Variants in URB1 observed in about 807,000 individuals in gnomAD.
The protein encoded by URB1 is URB1 ribosome biogenesis factor.
A neutral mutation model predicts 242.3 loss-of-function variants in URB1; 197 were observed. That is an observed-to-expected ratio of 0.81 (90% CI 0.72 to 0.91). The LOEUF (loss-of-function observed/expected upper bound fraction) is 0.91, where lower values mean the gene tolerates loss of function less well. URB1 is among the 40% of genes least tolerant of loss of function. The pLI, the probability that URB1 is intolerant of heterozygous loss-of-function variation, is 0.00. For missense variants in URB1, 2,721 were observed against 2,860.5 expected, an observed-to-expected ratio of 0.95 and a Z score of 1.11; for synonymous variants, 1,153 against 1,201.8, an observed-to-expected ratio of 0.96 and a Z score of 0.84.
intron 15 of URB1, 33 bp from the exon 16 acceptor site, chr21:32,355,598 G>A: frequency 6.7e-7 from 1 of 1,503,584 alleles, no homozygotes; most frequent in Non-Finnish European, 9.1e-7. Context: ...GAAAAAGTCA[G>A]AACAGAACGC....
chr21:32,353,282 C>A (rs1238146677), intron 18 of URB1, among the ~76,000 whole-genome samples: 1 of 152,128 alleles, frequency 6.6e-6, no homozygotes, highest in Non-Finnish European at 1.5e-5. Context: ...ACTTCCAGGC[C>A]ATAACACCCC....
intron 10 of URB1, among the ~76,000 whole-genome samples, chr21:32,364,981 T>A (rs2033329579): frequency 6.6e-6 from 1 of 152,240 alleles, no homozygotes; most frequent in Non-Finnish European, 1.5e-5. Context: ...GAGGAGGCTG[T>A]GTCCTCTGAG....
At chr21:32,365,892 C>T (rs142148067) in intron 10 of URB1, among the ~76,000 whole-genome samples, 1 of 152,314 alleles carries the variant, frequency 6.6e-6, no homozygotes, top group Non-Finnish European at 1.5e-5. Context: ...AGGACGAAGA[C>T]ACCCTTCTGA....
intron 9 of URB1, among the ~76,000 whole-genome samples, chr21:32,368,039 C>T (rs2033365089): frequency 6.6e-6 from 1 of 152,070 alleles, no homozygotes; most frequent in African/African-American, 2.4e-5. Flanking sequence ...TCTGCCTGTC[C>T]CCTAACTCCC....
At chr21:32,361,159 A>AAAAGAAAGAAAGAGAAAG (rs1555839833) in intron 12 of URB1, 36 bp from the exon 13 acceptor site, 44 of 270,332 alleles carry the variant, frequency 1.6e-4, no homozygotes, top group African/African-American at 1.1e-3. Context: ...AAAAAGAGAA[A>AAAAGAAAGAAAGAGAAAG]AAAGAAAGAA....
chr21:32,333,263 A>G, intron 30 of URB1, 54 bp downstream of exon 30: 1 of 1,399,018 alleles, frequency 7.1e-7, no homozygotes, highest in Non-Finnish European at 9.9e-7. Context: ...AATCAACCTG[A>G]CCTCTGAGAA....
intron 19 of URB1, among the ~76,000 whole-genome samples, chr21:32,352,116 CT>C (rs2033165114): frequency 6.6e-6 from 1 of 152,174 alleles, no homozygotes; most frequent in Middle Eastern, 3.2e-3. Flanking sequence ...AAACTGACTG[CT>C]TTTTCGAATG....
chr21:32,319,399 C>A lies in URB1; in HGVS notation c.5610G>T (p.Pro1870=). ...GCAAGGAGATCACATTAGACAGCAG[C>A]GGAGTCTCCAGAAACCTAAAACCAA... ...HILESKFLET[P]LLSNVISLLH... is the part of the protein sequence containing the mutation. The change falls in exon 36 of 39, where the codon CCG becomes CCT. Residue 1870 remains proline, a synonymous_variant. Transcript: ENST00000382751. 1 of 1,525,972 alleles carries A rather than the reference C, an allele frequency of 6.6e-7. No homozygotes were observed. The highest frequency in any genetic ancestry group is 8.8e-7 in the Non-Finnish European group (1 of 1,136,568). The allele number at this position is 1,525,972 out of a possible 1,614,324, so 94.5% of individuals were successfully genotyped here.
Position 32,333,362 on chromosome 21 carries a change from C to A in URB1, c.4915G>T (p.Asp1639Tyr). 1 of 1,551,726 alleles carries A rather than the reference C, an allele frequency of 6.4e-7. No homozygotes were observed. Among genetic ancestry groups the A allele is most frequent in the South Asian group, 1.2e-5 (1 of 84,050 alleles). The change falls in exon 30 of 39, where the codon GAC (aspartate) becomes TAC (tyrosine). Residue 1639 changes from aspartate to tyrosine, a missense_variant. Transcript: ENST00000382751. ...AAGAGCTGAAGGAGAAAGCAGGGGT[C>A]ATAGAGGCCATCAAGATCCACCCTG... The part of the protein sequence containing the change: ...KSRVDLDGLY[D>Y]PCFLLQLFSE...
chr21:32,347,314 C>G lies in URB1; in HGVS notation c.3510G>C (p.Gln1170His). ...CGGAGGACCACAGGAGCTCACCACTCTGCAGCTGATCCTGGGGGCTGCAGG... is the reference window on the plus strand; with the variant it reads ...CGGAGGACCACAGGAGCTCACCACTGTGCAGCTGATCCTGGGGGCTGCAGG... ...LLTCSPQDQL[Q>H]SGELLWSSEY... The change falls in exon 22 of 39, where the codon CAG becomes CAC. Residue 1170 changes from glutamine to histidine, a missense_variant. Coordinates refer to ENST00000382751, the MANE Select transcript of URB1 (RefSeq NM_014825.3). 2 of 1,551,298 alleles carry G rather than the reference C, an allele frequency of 1.3e-6. No individual in the cohort carries two copies. The highest frequency in any genetic ancestry group is 8.7e-7 in the Non-Finnish European group (1 of 1,147,002).
At chr21:32,324,250 T>C (rs995856918) in intron 32 of URB1, among the ~76,000 whole-genome samples, 2 of 152,258 alleles carry the variant, frequency 1.3e-5, no homozygotes, top group African/African-American at 4.8e-5. Context: ...TGCTTTGCCA[T>C]CTACTTTTTT....
At chr21:32,365,557 T>C (rs1244126871) in intron 10 of URB1, among the ~76,000 whole-genome samples, 2 of 152,186 alleles carry the variant, frequency 1.3e-5, no homozygotes, top group Admixed American at 6.5e-5. Flanking sequence ...CTCTGAGAAA[T>C]GCAAATGTCT....
At chr21:32,357,476 A>C (rs2033235361) in intron 15 of URB1, 61 bp downstream of exon 15, 2 of 1,383,368 alleles carry the variant, frequency 1.4e-6, no homozygotes, top group Non-Finnish European at 1.9e-6. Flanking sequence ...CTAAACACTT[A>C]CCATAAGGAA....
At position 32,365,114 on chromosome 21, in the gene URB1, A is replaced by G. The variant is rs2033331313; in HGVS notation, c.1335+1504T>C. Reference sequence around the variant, plus strand: ...GGCTTTTCTCTCCCAGACTACTAGGAGCAAGCTTGGAAGGGAGAGCAAATG... The same window carrying G: ...GGCTTTTCTCTCCCAGACTACTAGGGGCAAGCTTGGAAGGGAGAGCAAATG... On this transcript the variant is annotated intron_variant, in intron 10 of 38. Coordinates refer to ENST00000382751, the MANE Select transcript of URB1 (RefSeq NM_014825.3). Among the ~76,000 whole-genome samples, 3 of 152,328 alleles carry G rather than the reference A, an allele frequency of 2.0e-5. No homozygotes were observed. The South Asian group carries it at 6.2e-4, about 32-fold the overall frequency.
At chr21:32,315,130 A>G in intron 38 of URB1, 31 bp from the exon 39 acceptor site, 1 of 1,481,376 alleles carries the variant, frequency 6.8e-7, no homozygotes, top group South Asian at 1.4e-5. Context: ...GGCCATTAGG[A>G]TGCACACCTG....
intron 13 of URB1, among the ~76,000 whole-genome samples, chr21:32,360,321 G>A (rs183830661): frequency 2.5e-4 from 38 of 152,248 alleles, no homozygotes; most frequent in African/African-American, 8.7e-4. Context: ...TCCTCTAGCC[G>A]GCTCTCTGGG....
rs773027035 is a variant in URB1, at chr21:32,350,912, G to T, written c.2624C>A (p.Ala875Glu). 1 of 1,545,976 alleles carries T rather than the reference G, an allele frequency of 6.5e-7. No homozygotes were observed. Among genetic ancestry groups the T allele is most frequent in the South Asian group, 1.2e-5 (1 of 83,970 alleles). The change falls in exon 20 of 39, where the codon GCA becomes GAA. Residue 875 changes from alanine (A) to glutamate (E), a missense_variant. Physicochemically the swap from Ala to Glu is moderately radical, Grantham distance 107. Coordinates refer to ENST00000382751, the MANE Select transcript of URB1 (RefSeq NM_014825.3). ...EQAREAWLLQ[A>E]QGSPSPPALP... is the part of the protein sequence containing the mutation. ...GGCAGGGGGCGAGGGGCTGCCCTGT[G>T]CCTGCAGCAGCTGAGGGAGACAGCA...
chr21:32,350,747 T>A lies in URB1; in HGVS notation c.2789A>T (p.Gln930Leu). 1 of 1,551,516 alleles carries A rather than the reference T, an allele frequency of 6.4e-7. No homozygotes were observed. The highest frequency in any genetic ancestry group is 8.7e-7 in the Non-Finnish European group (1 of 1,147,008). Residue 930 changes from glutamine (Q) to leucine (L), a missense_variant, in exon 20 of 39, where the codon CAG becomes CTG. Coordinates refer to ENST00000382751, the MANE Select transcript of URB1 (RefSeq NM_014825.3). ...AGTGCTCCGCAGGTAGAGCAACACC[T>A]GCTTGGCCGCGAGCAGGACCTGCTG... ...SMQQVLLAAK[Q>L]VLLYLRSTVE...
rs190315797 is a variant in URB1, at chr21:32,354,978, G to A, written c.2126C>T (p.Ala709Val). 321 of 1,550,192 alleles carry A rather than the reference G, an allele frequency of 2.1e-4. No individual in the cohort carries two copies. In the South Asian group the frequency reaches 2.9e-3, roughly 14 times the overall value. ...FLERILLTLVANPYSYTDKAS... is the reference protein window; with the variant it reads ...FLERILLTLVVNPYSYTDKAS... ...TTTGTCTGTGTATGAATAGGGATTC[G>A]CCACCAATGTCAATAAAATCTGGGC... Residue 709 changes from alanine to valine, a missense_variant, in exon 17 of 39, where the codon GCG becomes GTG. Transcript: ENST00000382751.
Sources: allele counts gnomAD v4.1 joint callset (sites outside exome capture counted in the v4.1 genomes callset), GRCh38; gene constraint gnomAD v4.1.1; transcripts MANE v1.5; gene names NCBI Gene and HGNC (gene_info 2026-07-23, HGNC 2026-07-21).